Variants in SLC16A7 observed in about 807,000 individuals in gnomAD.
SLC16A7 encodes the protein monocarboxylate transporter 2.
In SLC16A7, 33 loss-of-function variants were observed where a neutral mutation model predicts 34.9. That is an observed-to-expected ratio of 0.94 (90% CI 0.72 to 1.26). The LOEUF is 1.26. SLC16A7 is among the 50% of genes most tolerant of loss of function. The probability of loss-of-function intolerance (pLI) is 0.00; values close to 1 mark genes in which losing one functional copy is unlikely to be tolerated. For missense variants in SLC16A7, 573 were observed against 578.1 expected, an observed-to-expected ratio of 0.99 and a Z score of 0.09; for synonymous variants, 201 against 206.6, an observed-to-expected ratio of 0.97 and a Z score of 0.23.
Position 59,681,644 on chromosome 12 carries a change from T to C in SLC16A7, c.-30-23128T>C, listed in dbSNP as rs546928540. On this transcript the variant is annotated intron_variant, in intron 2 of 5. Coordinates refer to ENST00000547379, the MANE Select transcript of SLC16A7 (RefSeq NM_001270623.2). ...GGGAAGAGGATGGAAGGAAACGGAA[T>C]GAAGAGTAGTTCTCACCTTGCAGCT... 8.5e-5 allele frequency among the ~76,000 whole-genome samples: 13 copies of C among 152,314 alleles called. 1 individual carries two copies. The South Asian group carries it at 2.7e-3, about 32-fold the overall frequency.
intron 2 of SLC16A7, among the ~76,000 whole-genome samples, chr12:59,704,522 T>C (rs1873326174): frequency 6.6e-6 from 1 of 152,124 alleles, no homozygotes; most frequent in Non-Finnish European, 1.5e-5. Context: ...TAACTTCACT[T>C]TGAGTAATTT....
intron 1 of SLC16A7, among the ~76,000 whole-genome samples, chr12:59,626,035 C>A (rs1879914887): frequency 6.6e-6 from 1 of 151,634 alleles, no homozygotes; most frequent in Admixed American, 6.6e-5. Context: ...ATAGTTATTG[C>A]AAATTCATTG....
chr12:59,634,720 G>A (rs1277533768), intron 1 of SLC16A7, among the ~76,000 whole-genome samples: 1 of 152,050 alleles, frequency 6.6e-6, no homozygotes, highest in Non-Finnish European at 1.5e-5. Context: ...AAAGTGCACA[G>A]ATGGGCCTTG....
chr12:59,733,274 C>T (rs1205871781), intron 3 of SLC16A7, among the ~76,000 whole-genome samples: 2 of 152,270 alleles, frequency 1.3e-5, no homozygotes, highest in African/African-American at 4.8e-5. Flanking sequence ...GCCCAGATCC[C>T]ATACCTGCCA....
At chr12:59,614,593 A>G (rs1430767057) in intron 1 of SLC16A7, among the ~76,000 whole-genome samples, 1 of 152,016 alleles carries the variant, frequency 6.6e-6, no homozygotes, top group Non-Finnish European at 1.5e-5. Context: ...CATGTTGATG[A>G]TTAATGGCCA....
intron 3 of SLC16A7, among the ~76,000 whole-genome samples, chr12:59,744,019 A>G (rs2137295128): frequency 6.6e-6 from 1 of 152,324 alleles, no homozygotes; most frequent in Middle Eastern, 3.4e-3. Flanking sequence ...TATTATTAGG[A>G]TGTTTTCTAT....
Position 59,715,699 on chromosome 12 carries a change from G to A in SLC16A7, c.217+10681G>A, listed in dbSNP as rs528145209. Among the ~76,000 whole-genome samples the A allele has an allele frequency of 1.4e-3, 212 of 152,320 alleles. 1 individual carries two copies. The highest frequency in any genetic ancestry group is 6.8e-3 in the Middle Eastern group (2 of 294). The stretch of plus-strand genomic sequence containing the variant: ...CCACCAGTGACTGCAAAAGAACTGA[G>A]AGTATTGATTTTAAGGTTACAAATC... On this transcript the variant is annotated intron_variant, in intron 3 of 5. Coordinates refer to ENST00000547379, the MANE Select transcript of SLC16A7 (RefSeq NM_001270623.2).
Position 59,747,912 on chromosome 12 carries a change from A to C in SLC16A7, c.218-23307A>C, listed in dbSNP as rs995018924. ...TCTAGATACCATTAATCATAAAAAC[A>C]GAATCATAGGCCACGCGCTGTGGCA... On this transcript the variant is annotated intron_variant, in intron 3 of 5. Transcript: ENST00000547379. 2.6e-5 allele frequency among the ~76,000 whole-genome samples: 4 copies of C among 152,232 alleles called. No individual in the cohort carries two copies. In the East Asian group the frequency reaches 7.7e-4, roughly 29 times the overall value.
At chr12:59,758,179 G>GA (rs1251588306) in intron 3 of SLC16A7, among the ~76,000 whole-genome samples, 3 of 151,834 alleles carry the variant, frequency 2.0e-5, no homozygotes, top group Non-Finnish European at 2.9e-5. Context: ...AAAAAAATTA[G>GA]AAAAAAACTA....
intron 2 of SLC16A7, among the ~76,000 whole-genome samples, chr12:59,667,075 A>C (rs568162613): frequency 2.0e-5 from 3 of 152,286 alleles, no homozygotes; most frequent in Non-Finnish European, 4.4e-5. Context: ...ATGAGAAAGA[A>C]GCAAAAGTGG....
At chr12:59,608,168 A>G (rs1879031937) in intron 1 of SLC16A7, among the ~76,000 whole-genome samples, 1 of 152,174 alleles carries the variant, frequency 6.6e-6, no homozygotes, top group South Asian at 2.1e-4. Flanking sequence ...CTTTCTGCCC[A>G]CAACTCTTTT....
chr12:59,733,633 T>C, intron 3 of SLC16A7: 1 of 445,372 alleles, frequency 2.2e-6, no homozygotes, highest in East Asian at 7.0e-5. Flanking sequence ...ACAGCTCCTC[T>C]CTCCTTCTCA....
intron 1 of SLC16A7, among the ~76,000 whole-genome samples, chr12:59,611,463 G>A (rs1879190357): frequency 6.6e-6 from 1 of 152,098 alleles, no homozygotes. Context: ...GGGATTCTAG[G>A]AACTACAGTT....
intron 2 of SLC16A7, among the ~76,000 whole-genome samples, chr12:59,659,610 T>C (rs1868728954): frequency 6.6e-6 from 1 of 152,128 alleles, no homozygotes; most frequent in Non-Finnish European, 1.5e-5. Flanking sequence ...GCCCCTTTGA[T>C]TCATCTATTT....
At position 59,596,640 on chromosome 12, in the gene SLC16A7, G is replaced by A. The variant is rs1878413760; in HGVS notation, c.-130+404G>A. ...GGACTCCGAGGGCTGCTTCCAGTGC[G>A]GCGTGTCTCTAGTGCGCGCCCCGCC... On this transcript the variant is annotated intron_variant, in intron 1 of 5. Coordinates refer to ENST00000547379, the MANE Select transcript of SLC16A7 (RefSeq NM_001270623.2). This position sits in a 1 kb window ranked among gnomAD's most constrained non-coding sequence, Gnocchi z 5.0. 6.6e-6 allele frequency among the ~76,000 whole-genome samples: 1 copy of A among 151,970 alleles called. No individual in the cohort carries two copies. The highest frequency in any genetic ancestry group is 1.5e-5 in the Non-Finnish European group (1 of 67,994).
chr12:59,698,280 A>T (rs560919711), intron 2 of SLC16A7, among the ~76,000 whole-genome samples: 2 of 151,948 alleles, frequency 1.3e-5, no homozygotes, highest in Non-Finnish European at 3.0e-5. Flanking sequence ...ATTTTAAAGA[A>T]ATCCAAATAA....
At chr12:59,707,318 T>C (rs369305049) in intron 3 of SLC16A7, among the ~76,000 whole-genome samples, 2 of 152,036 alleles carry the variant, frequency 1.3e-5, no homozygotes, top group Non-Finnish European at 2.9e-5. Context: ...ATATTCTCCA[T>C]TGAACAAAAG....
chr12:59,756,310 T>G (rs959939350), intron 3 of SLC16A7, among the ~76,000 whole-genome samples: 2 of 151,950 alleles, frequency 1.3e-5, no homozygotes, highest in Non-Finnish European at 2.9e-5. Flanking sequence ...ACCATCAGAG[T>G]GAACAGGCAA....
At chr12:59,701,320 G>C (rs1038249571) in intron 2 of SLC16A7, among the ~76,000 whole-genome samples, 4 of 150,762 alleles carry the variant, frequency 2.7e-5, no homozygotes, top group Non-Finnish European at 4.5e-5. Context: ...AAGTGTTACA[G>C]AGTAAATGAT....
Sources: gnomAD v4.1 joint callset for allele counts (sites outside exome capture counted in the v4.1 genomes callset) on GRCh38, gnomAD v4.1.1 for gene constraint, Gnocchi (gnomAD v3.1) non-coding constraint, MANE v1.5 for transcripts, NCBI Gene and HGNC (gene_info 2026-07-23, HGNC 2026-07-21) for gene names.